RPAP1: variants seen among roughly 807,000 people sequenced by gnomAD.
The protein encoded by RPAP1 is RNA polymerase II associated protein 1, also known as RNA polymerase II-associated protein 1.
Under a neutral mutation model 142.4 loss-of-function variants are expected in RPAP1, and 109 were observed. The observed-to-expected ratio is 0.77, with a 90% CI of 0.66 to 0.90. RPAP1 has a LOEUF of 0.90. RPAP1 is among the 40% of genes least tolerant of loss of function. RPAP1 has a pLI of 0.00. For missense variants in RPAP1, 1,546 were observed against 1,751.7 expected, an observed-to-expected ratio of 0.88 and a Z score of 2.10; for synonymous variants, 704 against 738.9, an observed-to-expected ratio of 0.95 and a Z score of 0.77.
At chr15:41,540,012 G>A (rs576451261) in intron 1 of RPAP1, among the ~76,000 whole-genome samples, 3 of 151,982 alleles carry the variant, frequency 2.0e-5, no homozygotes, top group South Asian at 2.1e-4. Flanking sequence ...CAGCCTGGGC[G>A]ACAGAGTGAG....
chr15:41,520,263 A>C (rs932216419), intron 22 of RPAP1, 128 bp downstream of exon 22: 5 of 1,013,800 alleles, frequency 4.9e-6, no homozygotes, highest in Middle Eastern at 2.0e-4. Context: ...TGATTCTCTT[A>C]ATCCCCTCAA....
In RPAP1 at chr15:41,522,899, G is replaced by T. The variant is rs751403199; in HGVS notation, c.2608C>A (p.Leu870Ile). Residue 870 changes from leucine to isoleucine, a missense_variant, in exon 19 of 25, where the codon CTC (leucine) becomes ATC (isoleucine). Transcript: ENST00000304330. ...CCTCCCGAGCAGCCCAGTGACACGA[G>T]GCTGGGGGGAGCTTCAAGGGCTGGC... ...CVPALEAPPS[L>I]VSLGCSGGCP... The T allele has an allele frequency of 1.5e-5, 23 of 1,570,956 alleles. No individual in the cohort carries two copies. Among genetic ancestry groups the T allele is most frequent in the Non-Finnish European group, 1.9e-5 (22 of 1,167,092 alleles).
At chr15:41,535,761 C>T in intron 4 of RPAP1, 129 bp from the exon 5 acceptor site, 1 of 1,327,686 alleles carries the variant, frequency 7.5e-7, no homozygotes. Context: ...GATCACAACC[C>T]TAGTTCTCAG....
At chr15:41,536,677 GT>G in intron 2 of RPAP1, 28 bp from the exon 3 acceptor site, 1 of 1,609,562 alleles carries the variant, frequency 6.2e-7, no homozygotes, top group Non-Finnish European at 8.5e-7. Context: ...CCAAACGTGA[GT>G]ATATGCACAC....
rs1472801492 is a variant in RPAP1 at position 41,520,750 on chromosome 15, C to A, written c.3436G>T (p.Ala1146Ser). ...VLVLESWRPQALWAVPPAARL... is the reference protein window; with the variant it reads ...VLVLESWRPQSLWAVPPAARL... The stretch of plus-strand genomic sequence containing the variant: ...GCAGCAGGGGGCACAGCCCAGAGAG[C>A]CTGGGGGCGCCAGCTCTCCAAAACT... Residue 1146 changes from alanine (A) to serine (S), a missense_variant, in exon 22 of 25, where the codon GCT (alanine) becomes TCT (serine). By Grantham distance (99) the Ala-to-Ser change is moderately conservative. Around this residue, in one of 3 missense-constraint regions of RPAP1, gnomAD observed 1,333 missense variants for 1,486.6 expected, o/e 0.90. Transcript: ENST00000304330. 1 of 1,613,616 alleles carries A rather than the reference C, an allele frequency of 6.2e-7. No individual in the cohort carries two copies. The highest frequency in any genetic ancestry group is 1.7e-5 in the Admixed American group (1 of 59,994).
intron 5 of RPAP1, 53 bp from the exon 6 acceptor site, chr15:41,534,988 G>A: frequency 6.4e-7 from 1 of 1,555,724 alleles, no homozygotes; most frequent in Non-Finnish European, 8.8e-7. Context: ...GGCTCTAACT[G>A]GGCTTTTTGG....
intron 17 of RPAP1, 77 bp downstream of exon 17, chr15:41,523,694 A>G: frequency 7.9e-7 from 1 of 1,259,434 alleles, no homozygotes; most frequent in Non-Finnish European, 1.1e-6. Flanking sequence ...AGATGGACAC[A>G]GAGAGGGAGC....
intron 10 of RPAP1, 37 bp downstream of exon 10, chr15:41,528,198 G>A (rs1464650889): frequency 6.4e-7 from 1 of 1,557,150 alleles, no homozygotes; most frequent in African/African-American, 1.4e-5. Flanking sequence ...TGGGGTGAAG[G>A]GAAGGGTGGG....
chr15:41,539,875 C>T (rs974187950), intron 1 of RPAP1, among the ~76,000 whole-genome samples: 1 of 151,270 alleles, frequency 6.6e-6, no homozygotes, highest in African/African-American at 2.4e-5. Context: ...ACTAAAAATA[C>T]AAAAAAAATT....
intron 1 of RPAP1, among the ~76,000 whole-genome samples, chr15:41,539,418 C>T (rs895718962): frequency 6.6e-6 from 1 of 152,142 alleles, no homozygotes; most frequent in Non-Finnish European, 1.5e-5. Flanking sequence ...CCTCAGCCTC[C>T]TGAGTAGCTG....
Position 41,534,769 on chromosome 15 carries a change from C to T in RPAP1, c.708G>A (p.Gln236=). Reference sequence around the variant, plus strand: ...GCAGGATCTCCTCAGGAGCCATGGCCTGCAGTCTTGCTATGTTCTCTTCAT... The same window carrying T: ...GCAGGATCTCCTCAGGAGCCATGGCTTGCAGTCTTGCTATGTTCTCTTCAT... ...TIHEENIARL[Q]AMAPEEILQE... is the part of the protein sequence containing the mutation. Residue 236 remains glutamine, a synonymous_variant, in exon 6 of 25, where the codon CAG becomes CAA. Coordinates refer to ENST00000304330, the MANE Select transcript of RPAP1 (RefSeq NM_015540.4). The T allele has an allele frequency of 6.2e-7, 1 of 1,614,060 alleles. No individual in the cohort carries two copies. Among genetic ancestry groups the T allele is most frequent in the Non-Finnish European group, 8.5e-7 (1 of 1,180,010 alleles).
chr15:41,534,133 AAAG>A (rs2051884126), intron 6 of RPAP1, among the ~76,000 whole-genome samples: 2 of 150,848 alleles, frequency 1.3e-5, no homozygotes, highest in South Asian at 4.2e-4. Context: ...AAAAAAAAAA[AAAG>A]GCCGGGCATG....
At chr15:41,535,046 C>G in intron 5 of RPAP1, 111 bp from the exon 6 acceptor site, 1 of 984,768 alleles carries the variant, frequency 1.0e-6, no homozygotes, top group Non-Finnish European at 1.5e-6. Flanking sequence ...TAGACCCAAA[C>G]TTTCCTCAGA....
Position 41,523,861 on chromosome 15 carries a change from C to A in RPAP1, c.2346G>T (p.Leu782=). 6.2e-7 allele frequency: 1 copy of A among 1,608,482 alleles called. No individual in the cohort carries two copies. The highest frequency in any genetic ancestry group is 2.2e-5 in the East Asian group (1 of 44,700). ...EPCLRQTLKL[L]SRPEMWRAVG... ...CGGCTCTCCACATCTCAGGTCTGGA[C>A]AGCAACTTCAAGGTCTGCCTTAGAC... is the stretch of plus-strand genomic sequence containing the variant. The change falls in exon 17 of 25, where the codon CTG becomes CTT. Residue 782 remains leucine (L), a synonymous_variant. Transcript: ENST00000304330.
rs772805164 is a variant in RPAP1, at chr15:41,529,944, G to A, written c.979C>T (p.Leu327=). ...ALPVTPQKEW[L]HMDTVELEKL... ...TCCAGCTCGACAGTGTCCATGTGCAGCCATTCTTTCTGAGGGGTCACGGGC... is the reference window on the plus strand; with the variant it reads ...TCCAGCTCGACAGTGTCCATGTGCAACCATTCTTTCTGAGGGGTCACGGGC... Residue 327 remains leucine, a synonymous_variant, in exon 8 of 25, where the codon CTG becomes TTG. Coordinates refer to ENST00000304330, the MANE Select transcript of RPAP1 (RefSeq NM_015540.4). 1 of 1,614,188 alleles carries A rather than the reference G, an allele frequency of 6.2e-7. No individual in the cohort carries two copies. Among genetic ancestry groups the A allele is most frequent in the Non-Finnish European group, 8.5e-7 (1 of 1,180,032 alleles).
chr15:41,543,361 C>G lies in RPAP1; in HGVS notation c.-77+858G>C, dbSNP rs1463633994. 8.5e-5 allele frequency among the ~76,000 whole-genome samples: 13 copies of G among 152,114 alleles called. No homozygotes were observed. The East Asian group carries it at 2.5e-3, about 29-fold the overall frequency. On this transcript the variant is annotated intron_variant, in intron 1 of 24. Coordinates refer to ENST00000304330, the MANE Select transcript of RPAP1 (RefSeq NM_015540.4). ...AGTAGCTGGGATTACAGGCGCCTGC[C>G]ACCACGCCCGGCTAATTTTTTGTAT...
intron 1 of RPAP1, among the ~76,000 whole-genome samples, chr15:41,537,538 C>G (rs1412802614): frequency 6.6e-6 from 1 of 152,036 alleles, no homozygotes; most frequent in African/African-American, 2.4e-5. Context: ...CATGCTTGGC[C>G]TAAAGGTATG....
intron 6 of RPAP1, among the ~76,000 whole-genome samples, chr15:41,531,664 G>T (rs1287096850): frequency 8.6e-6 from 1 of 116,504 alleles, no homozygotes; most frequent in African/African-American, 3.4e-5. Flanking sequence ...TTTTTGAGAC[G>T]GAATCTCGCT....
Position 41,520,881 on chromosome 15 carries a change from G to A in RPAP1, c.3305C>T (p.Pro1102Leu), listed in dbSNP as rs1488225472. The change falls in exon 22 of 25, where the codon CCC becomes CTC. Residue 1102 changes from proline to leucine, a missense_variant. Physicochemically the swap from Pro to Leu is moderately conservative, Grantham distance 98. Transcript: ENST00000304330. The stretch of plus-strand genomic sequence containing the variant: ...GTAGAGGCGAATCAGTGGCAGGAAG[G>A]GCCAGTCGGTGGGCAGCAGCGGCTC... ...PTEPLLPTDW[P>L]FLPLIRLYHR... 6.2e-7 allele frequency: 1 copy of A among 1,613,692 alleles called. No homozygotes were observed. The highest frequency in any genetic ancestry group is 8.5e-7 in the Non-Finnish European group (1 of 1,180,036).
Sources: allele counts gnomAD v4.1 joint callset (sites outside exome capture counted in the v4.1 genomes callset), GRCh38; gene constraint gnomAD v4.1.1; regional missense constraint gnomAD v4.1.1; transcripts MANE v1.5; gene names NCBI Gene and HGNC (gene_info 2026-07-23, HGNC 2026-07-21).